The following S100PBP variants were observed in gnomAD, a reference collection of about 807,000 sequenced individuals.
S100PBP encodes S100P binding protein.
Under a neutral mutation model 39.9 loss-of-function variants are expected in S100PBP, and 15 were observed. The observed-to-expected ratio is 0.38, with a 90% CI of 0.25 to 0.58. S100PBP has a LOEUF of 0.58. Ranked by LOEUF, S100PBP falls within the 20% of genes least tolerant of loss-of-function variation. S100PBP has a pLI of 0.70. For synonymous variants in S100PBP, 178 were observed against 180.3 expected, an observed-to-expected ratio of 0.99 and a Z score of 0.10; for missense variants, 504 against 487.3, an observed-to-expected ratio of 1.03 and a Z score of -0.32.
At chr1:32,850,063 A>G (rs1218576487) in intron 5 of S100PBP, among the ~76,000 whole-genome samples, 1 of 152,216 alleles carries the variant, frequency 6.6e-6, no homozygotes, top group Non-Finnish European at 1.5e-5. Flanking sequence ...TAAATATTTG[A>G]ATATTAGGCC....
In S100PBP at chr1:32,844,548, C is replaced by T. The variant is rs554418242; in HGVS notation, c.1025-8531C>T. 3.9e-5 allele frequency among the ~76,000 whole-genome samples: 6 copies of T among 152,210 alleles called. No individual in the cohort carries two copies. The South Asian group carries it at 1.2e-3, about 32-fold the overall frequency. On this transcript the variant is annotated intron_variant, in intron 5 of 6. Coordinates refer to ENST00000373475, the MANE Select transcript of S100PBP (RefSeq NM_022753.4). ...CTAGAGTGCAGTGGGGCCATCACAG[C>T]TTACTGCAGCCTCTACCTCCTTAGC... is the stretch of plus-strand genomic sequence containing the variant.
chr1:32,827,783 GT>G (rs35149609), intron 3 of S100PBP, among the ~76,000 whole-genome samples: 97,148 of 130,336 alleles, frequency 0.75, 36,799 homozygotes, highest in East Asian at 0.92. Flanking sequence ...ACCTGGCCAG[GT>G]TTTTTTTTTT....
chr1:32,834,905 C>T (rs1639749087), intron 5 of S100PBP: 1 of 152,224 alleles, frequency 6.6e-6, no homozygotes, highest in South Asian at 2.1e-4. Context: ...CTTTGGGAGG[C>T]TGAGGCAGAT....
At chr1:32,818,168 G>C (rs1638844553) in intron 1 of S100PBP, 1 of 152,346 alleles carries the variant, frequency 6.6e-6, no homozygotes, top group South Asian at 2.1e-4. Flanking sequence ...GCTGAGGGGC[G>C]GGTTTGCCCC....
At chr1:32,827,783 G>GGTTTTTTTTTTTTTTTTTTT (rs1281476870) in intron 3 of S100PBP, among the ~76,000 whole-genome samples, 1 of 130,426 alleles carries the variant, frequency 7.7e-6, no homozygotes, top group Non-Finnish European at 1.6e-5. Flanking sequence ...ACCTGGCCAG[G>GGTTTTTTTTTTTTTTTTTTT]TTTTTTTTTT....
intron 4 of S100PBP, among the ~76,000 whole-genome samples, chr1:32,828,343 G>A (rs534777000): frequency 6.6e-6 from 1 of 152,016 alleles, no homozygotes; most frequent in African/African-American, 2.4e-5. Flanking sequence ...ACATATTAGC[G>A]AAAACACTAC....
intron 5 of S100PBP, chr1:32,836,393 A>G (rs1639820622): frequency 3.8e-6 from 1 of 261,464 alleles, no homozygotes; most frequent in South Asian, 1.5e-4. Context: ...CGGCCTCCCA[A>G]AGTGCTGGGA....
chr1:32,820,488 G>C (rs1468769290), intron 1 of S100PBP: 2 of 152,032 alleles, frequency 1.3e-5, no homozygotes, highest in African/African-American at 2.4e-5. Flanking sequence ...CAATGATGGT[G>C]GTGGGGTGAA....
chr1:32,825,866 C>T (rs1028211360), intron 2 of S100PBP, among the ~76,000 whole-genome samples: 1 of 152,226 alleles, frequency 6.6e-6, no homozygotes, highest in Non-Finnish European at 1.5e-5. Context: ...CCTCACCAAT[C>T]CAGATTATCA....
At chr1:32,825,872 T>G (rs1437502603) in intron 2 of S100PBP, among the ~76,000 whole-genome samples, 1 of 152,246 alleles carries the variant, frequency 6.6e-6, no homozygotes, top group African/African-American at 2.4e-5. Context: ...CAATCCAGAT[T>G]ATCATGGCAT....
In S100PBP at chr1:32,855,962, G is replaced by T. The variant is rs778201740; in HGVS notation, c.1151G>T (p.Ser384Ile). The change falls in exon 7 of 7, where the codon AGT (serine) becomes ATT (isoleucine). Residue 384 changes from serine to isoleucine, a missense_variant. By Grantham distance (142) the Ser-to-Ile change is moderately radical. Transcript: ENST00000373475. ...CGACAGAAACATCTGCAAAGATACA[G>T]TCTGACTCAGTGGGTTGACAGGAAC... ...ARRQKHLQRY[S>I]LTQWVDRNMR... The T allele has an allele frequency of 6.8e-6, 11 of 1,613,740 alleles. No individual in the cohort carries two copies. Among genetic ancestry groups the T allele is most frequent in the Non-Finnish European group, 9.3e-6 (11 of 1,179,770 alleles).
Position 32,826,173 on chromosome 1 carries a change from C to G in S100PBP, c.74C>G (p.Ser25Cys), listed in dbSNP as rs1639311833. Residue 25 changes from serine to cysteine, a missense_variant, in exon 3 of 7, where the codon TCT becomes TGT. Ser to Cys is a moderately radical substitution (Grantham distance 112). Coordinates refer to ENST00000373475, the MANE Select transcript of S100PBP (RefSeq NM_022753.4). ...SLLPKDGAPFSWDSLDEDGLD... is the reference protein window; with the variant it reads ...SLLPKDGAPFCWDSLDEDGLD... ...TTGCCTAAAGACGGTGCCCCATTTT[C>G]TTGGGATTCCTTGGATGAGGATGGA... is the stretch of plus-strand genomic sequence containing the variant. The G allele has an allele frequency of 6.2e-7, 1 of 1,614,074 alleles. No homozygotes were observed. Among genetic ancestry groups the G allele is most frequent in the Non-Finnish European group, 8.5e-7 (1 of 1,180,004 alleles).
intron 1 of S100PBP, among the ~76,000 whole-genome samples, chr1:32,822,655 G>C (rs1041535207): frequency 1.3e-5 from 2 of 149,602 alleles, no homozygotes; most frequent in Non-Finnish European, 3.0e-5. Context: ...AGTAACATCA[G>C]ACATCAGAAA....
At position 32,852,895 on chromosome 1, in the gene S100PBP, T is replaced by A. The variant is rs1010344612; in HGVS notation, c.1025-184T>A. 1.5e-5 allele frequency: 8 copies of A among 540,198 alleles called. No individual in the cohort carries two copies. The East Asian group carries it at 2.5e-4, about 17-fold the overall frequency. 33.5% of individuals were successfully genotyped at this position (540,198 alleles called of 1,614,324 possible). On this transcript the variant is annotated intron_variant, in intron 5 of 6. Coordinates refer to ENST00000373475, the MANE Select transcript of S100PBP (RefSeq NM_022753.4). ...TGGTGGCTGCTATTATTGCTTCACCTTCACCCTCCAAGAGTAATCTCCCCA... is the reference window on the plus strand; with the variant it reads ...TGGTGGCTGCTATTATTGCTTCACCATCACCCTCCAAGAGTAATCTCCCCA...
At chr1:32,834,116 C>CA in intron 5 of S100PBP, 1 of 211,906 alleles carries the variant, frequency 4.7e-6, no homozygotes, top group Non-Finnish European at 1.1e-5. Context: ...GGTCCTGCCC[C>CA]AAAAAATTGT....
chr1:32,827,472 C>G (rs1364108076), intron 3 of S100PBP, among the ~76,000 whole-genome samples: 1 of 152,048 alleles, frequency 6.6e-6, no homozygotes, highest in African/African-American at 2.4e-5. Flanking sequence ...GTAATAATCC[C>G]TGCCACGTAG....
At position 32,826,939 on chromosome 1, in the gene S100PBP, A is replaced by G. The variant is rs1373807825; in HGVS notation, c.831+9A>G. The G allele has an allele frequency of 1.3e-6, 2 of 1,525,526 alleles. No homozygotes were observed. The highest frequency in any genetic ancestry group is 1.8e-6 in the Non-Finnish European group (2 of 1,127,950). 94.5% of individuals were successfully genotyped at this position (1,525,526 alleles called of 1,614,324 possible). ...CCACCTCATCAAACAAAGTAAGTAT[A>G]TTTTATTCAAGGTGAAGAGAAAAAT... is the stretch of plus-strand genomic sequence containing the variant. On this transcript the variant is annotated intron_variant, in intron 3 of 6. Transcript: ENST00000373475.
At chr1:32,827,157 C>T (rs1471647762) in intron 3 of S100PBP, among the ~76,000 whole-genome samples, 2 of 152,112 alleles carry the variant, frequency 1.3e-5, no homozygotes, top group East Asian at 1.9e-4. Flanking sequence ...TATTTAGCCT[C>T]TATGTTTCCC....
intron 6 of S100PBP, among the ~76,000 whole-genome samples, chr1:32,853,423 A>G (rs1245110643): frequency 6.7e-6 from 1 of 148,828 alleles, no homozygotes; most frequent in African/African-American, 2.5e-5. Flanking sequence ...GTGAGCCAAG[A>G]TGGTGCCACT....
Sources: allele counts gnomAD v4.1 joint callset (sites outside exome capture counted in the v4.1 genomes callset), GRCh38; gene constraint gnomAD v4.1.1; transcripts MANE v1.5; gene names NCBI Gene and HGNC (gene_info 2026-07-23, HGNC 2026-07-21).